The following RBM19 variants were observed in gnomAD, a reference collection of about 807,000 sequenced individuals.
The protein encoded by RBM19 is RNA binding motif protein 19.
RBM19 carries 94 observed loss-of-function variants against 116.8 expected under a neutral mutation model. The ratio of observed to expected loss-of-function variants is 0.80; its 90% CI spans 0.68 to 0.95. The LOEUF is 0.95. Ranked by LOEUF, RBM19 falls within the 40% of genes least tolerant of loss-of-function variation. The pLI, the probability that RBM19 is intolerant of heterozygous loss-of-function variation, is 0.00. For missense variants in RBM19, 1,161 were observed against 1,220.7 expected (o/e 0.95, Z 0.73); for synonymous variants, 475 against 494.1 (o/e 0.96, Z 0.51).
At chr12:113,928,625 A>ATGTGTGGGTGTGTGTGTGTGTG (rs1869333491) in intron 16 of RBM19, among the ~76,000 whole-genome samples, 1 of 120,334 alleles carries the variant, frequency 8.3e-6, no homozygotes, top group Non-Finnish European at 1.8e-5. Flanking sequence ...TTAGCAAGGG[A>ATGTGTGGGTGTGTGTGTGTGTG]TGTGTGTGTG....
At chr12:113,939,584 C>T (rs560812113) in intron 15 of RBM19, among the ~76,000 whole-genome samples, 205 of 151,272 alleles carry the variant, frequency 1.4e-3, no homozygotes, top group African/African-American at 4.2e-3. Context: ...CCCGTCTCTA[C>T]CAAAAATATA....
chr12:113,885,799 T>C (rs1449409713), intron 21 of RBM19, among the ~76,000 whole-genome samples: 1 of 152,070 alleles, frequency 6.6e-6, no homozygotes, highest in Non-Finnish European at 1.5e-5. Flanking sequence ...TTTCTATATG[T>C]TTGAATTTTT....
At chr12:113,909,845 G>A (rs1349971592) in intron 21 of RBM19, among the ~76,000 whole-genome samples, 3 of 152,190 alleles carry the variant, frequency 2.0e-5, no homozygotes, top group Non-Finnish European at 2.9e-5. Flanking sequence ...TACGCTGGCT[G>A]GGAGCTTTTC....
intron 14 of RBM19, among the ~76,000 whole-genome samples, chr12:113,941,803 C>T (rs1473125180): frequency 6.6e-6 from 1 of 152,200 alleles, no homozygotes; most frequent in Non-Finnish European, 1.5e-5. Flanking sequence ...TTAGTCCAGG[C>T]TCCTCTCACA....
intron 21 of RBM19, among the ~76,000 whole-genome samples, chr12:113,884,789 T>C (rs930135329): frequency 2.0e-5 from 3 of 152,074 alleles, no homozygotes; most frequent in Admixed American, 6.6e-5. Context: ...TGGGGACACA[T>C]TGAAAGGACA....
At chr12:113,827,586 C>T (rs1307245804) in intron 23 of RBM19, among the ~76,000 whole-genome samples, 1 of 151,700 alleles carries the variant, frequency 6.6e-6, no homozygotes, top group Non-Finnish European at 1.5e-5. Context: ...TGGAAGCAGA[C>T]GTTGAGGAAA....
At chr12:113,917,182 T>C (rs762388764) in intron 20 of RBM19, among the ~76,000 whole-genome samples, 9 of 152,172 alleles carry the variant, frequency 5.9e-5, no homozygotes, top group Non-Finnish European at 1.2e-4. Context: ...AGTAAAACAA[T>C]GGTTCCATGA....
intron 23 of RBM19, among the ~76,000 whole-genome samples, chr12:113,844,292 G>A (rs1282676405): frequency 6.6e-6 from 1 of 152,190 alleles, no homozygotes; most frequent in Admixed American, 6.5e-5. Flanking sequence ...GCGGACACCG[G>A]AATCTGAACA....
intron 21 of RBM19, among the ~76,000 whole-genome samples, chr12:113,866,150 T>G (rs1018716663): frequency 6.6e-6 from 1 of 152,208 alleles, no homozygotes; most frequent in Non-Finnish European, 1.5e-5. Flanking sequence ...CTTCTGTTCT[T>G]GCTCTCCCTT....
At chr12:113,842,196 A>G (rs2135713756) in intron 23 of RBM19, among the ~76,000 whole-genome samples, 1 of 152,158 alleles carries the variant, frequency 6.6e-6, no homozygotes, top group South Asian at 2.1e-4. Context: ...GCGAGGCAAT[A>G]GTGCTGTCTT....
intron 17 of RBM19, among the ~76,000 whole-genome samples, chr12:113,925,121 A>G (rs1367470415): frequency 6.6e-6 from 1 of 152,208 alleles, no homozygotes; most frequent in Non-Finnish European, 1.5e-5. Context: ...TAATTTTTAC[A>G]GAAATTTTAA....
intron 13 of RBM19, among the ~76,000 whole-genome samples, chr12:113,943,602 C>T (rs1311707871): frequency 6.6e-6 from 1 of 152,046 alleles, no homozygotes; most frequent in Non-Finnish European, 1.5e-5. Flanking sequence ...GGGGGATCAC[C>T]TGAGGTCAGG....
At chr12:113,859,485 C>T (rs1878191255) in intron 21 of RBM19, among the ~76,000 whole-genome samples, 3 of 152,160 alleles carry the variant, frequency 2.0e-5, no homozygotes, top group African/African-American at 4.8e-5. Context: ...GCTTCCCCTC[C>T]CTGTGAGCTT....
intron 21 of RBM19, among the ~76,000 whole-genome samples, chr12:113,885,942 C>G (rs1288894833): frequency 1.3e-5 from 2 of 148,436 alleles, no homozygotes; most frequent in African/African-American, 5.0e-5. Flanking sequence ...AATCTTGGCT[C>G]ACTGCAAGCT....
chr12:113,847,328 A>C (rs1423087180), intron 22 of RBM19, among the ~76,000 whole-genome samples: 2 of 151,820 alleles, frequency 1.3e-5, no homozygotes, highest in Admixed American at 1.3e-4. Context: ...GGTGCAGAAA[A>C]TTTTTTCTTT....
chr12:113,831,554 A>C (rs1303371576), intron 23 of RBM19, among the ~76,000 whole-genome samples: 2 of 152,140 alleles, frequency 1.3e-5, no homozygotes, highest in Non-Finnish European at 2.9e-5. Flanking sequence ...CTGTCAGTTT[A>C]ATTCCGTGAT....
chr12:113,852,943 G>A (rs771205149), intron 22 of RBM19, among the ~76,000 whole-genome samples: 2 of 152,268 alleles, frequency 1.3e-5, no homozygotes, highest in African/African-American at 2.4e-5. Context: ...ACACGGCTCA[G>A]CACTGTGCTG....
intron 21 of RBM19, among the ~76,000 whole-genome samples, chr12:113,886,114 G>A (rs965432982): frequency 5.9e-5 from 9 of 151,716 alleles, no homozygotes; most frequent in Non-Finnish European, 1.0e-4. Context: ...CTTGTGGTCC[G>A]CCTGCCTCAG....
intron 10 of RBM19, among the ~76,000 whole-genome samples, chr12:113,948,202 T>C (rs1217552861): frequency 6.6e-6 from 1 of 152,190 alleles, no homozygotes; most frequent in Admixed American, 6.5e-5. Flanking sequence ...GGGGAGACAC[T>C]GCGGGGATCT....
Sources: gnomAD v4.1 joint callset for allele counts (sites outside exome capture counted in the v4.1 genomes callset) on GRCh38, gnomAD v4.1.1 for gene constraint, MANE v1.5 for transcripts, NCBI Gene and HGNC (gene_info 2026-07-23, HGNC 2026-07-21) for gene names.